Variants in MMUT observed in about 807,000 individuals in gnomAD.
The protein encoded by MMUT is methylmalonyl-CoA mutase, mitochondrial.
Under a neutral mutation model 79.9 loss-of-function variants are expected in MMUT, and 79 were observed. That is an observed-to-expected ratio of 0.99 (90% CI 0.82 to 1.19). The LOEUF (loss-of-function observed/expected upper bound fraction) is 1.19, where lower values mean the gene tolerates loss of function less well. Ranked by LOEUF, MMUT falls within the 50% of genes most tolerant of loss-of-function variation. The probability of loss-of-function intolerance (pLI) is 0.00; values close to 1 mark genes in which losing one functional copy is unlikely to be tolerated. For missense variants in MMUT, 860 were observed against 917.2 expected, an observed-to-expected ratio of 0.94 and a Z score of 0.81; for synonymous variants, 273 against 295.7, an observed-to-expected ratio of 0.92 and a Z score of 0.79.
At position 49,447,675 on chromosome 6, in the gene MMUT, T is replaced by G; in HGVS notation, c.1555A>C (p.Lys519Gln). ...SVRNRQIEKLKKIKSSRDQAL... is the reference protein window; with the variant it reads ...SVRNRQIEKLQKIKSSRDQAL... ...AAAAAGCAAGCTATTAATACCTTCT[T>G]AAGTTTTTCAATCTGCCTGTTTCGC... Residue 519 changes from lysine (K) to glutamine (Q), a missense_variant, in exon 8 of 13, where the codon AAG (lysine) becomes CAG (glutamine). By Grantham distance (53) the Lys-to-Gln change is moderately conservative. Coordinates refer to ENST00000274813, the MANE Select transcript of MMUT (RefSeq NM_000255.4). The G allele has an allele frequency of 3.1e-6, 5 of 1,597,376 alleles. No homozygotes were observed. Among genetic ancestry groups the G allele is most frequent in the Non-Finnish European group, 4.3e-6 (5 of 1,165,754 alleles).
intron 12 of MMUT, among the ~76,000 whole-genome samples, chr6:49,433,778 A>G (rs1422752455): frequency 6.6e-6 from 1 of 152,190 alleles, no homozygotes; most frequent in African/African-American, 2.4e-5. Flanking sequence ...AAACTAAGTG[A>G]CCTTTAATTG....
intron 2 of MMUT, 86 bp from the exon 3 acceptor site, chr6:49,458,144 G>T: frequency 1.5e-6 from 2 of 1,335,468 alleles, no homozygotes; most frequent in Middle Eastern, 1.8e-4. Flanking sequence ...TAAAAATGTT[G>T]ATTCATCTCA....
At position 49,453,528 on chromosome 6, in the gene MMUT, G is replaced by GA. The variant is rs578109174; in HGVS notation, c.1083+56dup. ...TTTCCTGCTTGTGCCACATTGCTCAGAAAAAATATATATATATAACTTTAT... is the reference window on the plus strand; with the variant it reads ...TTTCCTGCTTGTGCCACATTGCTCAGAAAAAAATATATATATATAACTTTAT... On this transcript the variant is annotated intron_variant, in intron 5 of 12. Transcript: ENST00000274813. 1.3e-3 allele frequency: 1,292 copies of GA among 990,222 alleles called. 7 individuals are homozygous for GA. The highest frequency in any genetic ancestry group is 7.0e-3 in the African/African-American group (411 of 58,622). The allele number at this position is 990,222 out of a possible 1,614,324, so 61.3% of individuals were successfully genotyped here. A position where few individuals can be genotyped will look rare whatever the true frequency, so the allele number is the denominator to read the frequency against.
rs1021365451 is a variant in MMUT, at chr6:49,441,775, T to G, written c.1808+65A>C. 11 of 1,524,902 alleles carry G rather than the reference T, an allele frequency of 7.2e-6. No homozygotes were observed. The African/African-American group carries it at 1.4e-4, about 19-fold the overall frequency. 94.5% of individuals were successfully genotyped at this position (1,524,902 alleles called of 1,614,324 possible). A position where few individuals can be genotyped will look rare whatever the true frequency, so the allele number is the denominator to read the frequency against. On this transcript the variant is annotated intron_variant, in intron 10 of 12. Transcript: ENST00000274813. ...GTATGTAAGGAAATTAAGCTCCCAG[T>G]AGATTCAAGGGGATTGTGCTAACAG...
At chr6:49,447,414 T>C (rs1409747908) in intron 8 of MMUT, among the ~76,000 whole-genome samples, 1 of 151,812 alleles carries the variant, frequency 6.6e-6, no homozygotes, top group African/African-American at 2.4e-5. Flanking sequence ...AACTTATAAG[T>C]TTCACAGAGG....
chr6:49,459,506 C>G lies in MMUT; in HGVS notation c.-39-1G>C. On this transcript the variant is annotated splice_acceptor_variant, in intron 1 of 12. Coordinates refer to ENST00000274813, the MANE Select transcript of MMUT (RefSeq NM_000255.4). LOFTEE classifies it low-confidence loss of function (5UTR_SPLICE). The stretch of plus-strand genomic sequence containing the variant: ...ACACCCAATAGAAATAAGAACTGAC[C>G]TAGAAAAAGAAACATAGAGTAAAAA... 6.3e-7 allele frequency: 1 copy of G among 1,597,424 alleles called. No homozygotes were observed. Among genetic ancestry groups the G allele is most frequent in the Non-Finnish European group, 8.5e-7 (1 of 1,177,420 alleles).
At chr6:49,436,200 T>G (rs1282678097) in intron 11 of MMUT, among the ~76,000 whole-genome samples, 1 of 152,148 alleles carries the variant, frequency 6.6e-6, no homozygotes, top group Admixed American at 6.5e-5. Flanking sequence ...GTTCAACCAT[T>G]GTAGACGACA....
chr6:49,443,605 T>G (rs1398406697), intron 9 of MMUT, among the ~76,000 whole-genome samples: 1 of 152,040 alleles, frequency 6.6e-6, no homozygotes, highest in Admixed American at 6.6e-5. Context: ...TTCTGGTTCT[T>G]AATATAATAA....
At position 49,451,687 on chromosome 6, in the gene MMUT, C is replaced by T; in HGVS notation, c.1111G>A (p.Ala371Thr). 4 of 1,613,818 alleles carry T rather than the reference C, an allele frequency of 2.5e-6. No individual in the cohort carries two copies. The South Asian group carries it at 3.3e-5, about 13-fold the overall frequency. Residue 371 changes from alanine (A) to threonine (T), a missense_variant, in exon 6 of 13, where the codon GCA becomes ACA. By Grantham distance (58) the Ala-to-Thr change is moderately conservative. Coordinates refer to ENST00000274813, the MANE Select transcript of MMUT (RefSeq NM_000255.4). ...QDPYNNIVRT[A>T]IEAMAAVFGG... ...AATACTGCTGCCATTGCTTCTATTG[C>T]AGTACGGACAATATTATTGTAGGGA...
intron 1 of MMUT, among the ~76,000 whole-genome samples, chr6:49,460,597 A>G (rs1767817428): frequency 6.6e-6 from 1 of 152,188 alleles, no homozygotes; most frequent in Non-Finnish European, 1.5e-5. Context: ...CACCTCACAA[A>G]GCCGTAAACT....
chr6:49,440,103 G>A, intron 11 of MMUT, 103 bp downstream of exon 11: 2 of 1,420,270 alleles, frequency 1.4e-6, no homozygotes, highest in Non-Finnish European at 9.9e-7. Context: ...CAGTTACCAG[G>A]AGATGTATTA....
intron 7 of MMUT, 50 bp downstream of exon 7, chr6:49,448,766 A>G (rs767301572): frequency 7.1e-7 from 1 of 1,414,306 alleles, no homozygotes; most frequent in Admixed American, 1.7e-5. Flanking sequence ...ACAGAAATGA[A>G]TTTCTTTTTA....
chr6:49,448,804 T>C lies in MMUT; in HGVS notation c.1444+12A>G. 1 of 1,585,052 alleles carries C rather than the reference T, an allele frequency of 6.3e-7. No homozygotes were observed. The highest frequency in any genetic ancestry group is 8.7e-7 in the Non-Finnish European group (1 of 1,153,738). On this transcript the variant is annotated intron_variant, in intron 7 of 12. Coordinates refer to ENST00000274813, the MANE Select transcript of MMUT (RefSeq NM_000255.4). ...TACTGGATTTCATATATGAACTTTC[T>C]CACTATCTTACCAGAATCTATTCTA...
Position 49,431,671 on chromosome 6 carries a change from T to C in MMUT, c.*57A>G. 1 of 1,559,120 alleles carries C rather than the reference T, an allele frequency of 6.4e-7. No homozygotes were observed. Among genetic ancestry groups the C allele is most frequent in the Non-Finnish European group, 8.8e-7 (1 of 1,133,010 alleles). The stretch of plus-strand genomic sequence containing the variant: ...AAATTGAAGACATAGCTTTACTCTC[T>C]TCTTTGATCATAACTAAAATAATAT... On this transcript the variant is annotated 3_prime_UTR_variant, in exon 13 of 13. Coordinates refer to ENST00000274813, the MANE Select transcript of MMUT (RefSeq NM_000255.4).
In MMUT at chr6:49,447,735, C is replaced by G. The variant is rs2229385; in HGVS notation, c.1495G>C (p.Ala499Pro). Residue 499 changes from alanine to proline, a missense_variant, in exon 8 of 13, where the codon GCT (alanine) becomes CCT (proline). Ala to Pro is a conservative substitution (Grantham distance 27). Transcript: ENST00000274813. ...TTATCAATTGCCAGAACTTCTACAG[C>G]GTCTTCTTTTTCCAACTGGTACTTA... ...VNKYQLEKED[A>P]VEVLAIDNTS... 2 of 1,611,544 alleles carry G rather than the reference C, an allele frequency of 1.2e-6. No homozygotes were observed. The highest frequency in any genetic ancestry group is 1.3e-5 in the African/African-American group (1 of 74,802).
intron 8 of MMUT, among the ~76,000 whole-genome samples, chr6:49,445,214 G>A (rs1231066701): frequency 6.6e-6 from 1 of 151,990 alleles, no homozygotes; most frequent in Non-Finnish European, 1.5e-5. Context: ...ATAATAATAT[G>A]CATATTGCTA....
At chr6:49,446,291 T>A (rs1163663824) in intron 8 of MMUT, among the ~76,000 whole-genome samples, 1 of 151,940 alleles carries the variant, frequency 6.6e-6, no homozygotes, top group Non-Finnish European at 1.5e-5. Context: ...TAAGAAAATA[T>A]AAACTTGAGT....
intron 11 of MMUT, among the ~76,000 whole-genome samples, chr6:49,438,498 A>G (rs566991308): frequency 1.3e-5 from 2 of 152,328 alleles, no homozygotes; most frequent in South Asian, 4.1e-4. Context: ...AGATCTTTGA[A>G]AGTAATCTTC....
intron 11 of MMUT, 131 bp from the exon 12 acceptor site, chr6:49,435,754 A>ATT (rs1767107481): frequency 3.0e-6 from 3 of 984,326 alleles, no homozygotes; most frequent in Non-Finnish European, 2.9e-6. Context: ...GAAGATGCCA[A>ATT]AAGCAATTAC....
Sources: gnomAD v4.1 joint callset for allele counts (sites outside exome capture counted in the v4.1 genomes callset) on GRCh38, gnomAD v4.1.1 for gene constraint, MANE v1.5 for transcripts, NCBI Gene and HGNC (gene_info 2026-07-23, HGNC 2026-07-21) for gene names.